Variants in ITFG1 observed in about 807,000 individuals in gnomAD.
The protein encoded by ITFG1 is integrin alpha FG-GAP repeat containing 1.
A neutral mutation model predicts 81.8 loss-of-function variants in ITFG1; 34 were observed. The ratio of observed to expected loss-of-function variants is 0.42; its 90% CI spans 0.32 to 0.55. The LOEUF (loss-of-function observed/expected upper bound fraction) is 0.55. Among genes scored for constraint, ITFG1 ranks in the 20% least tolerant of loss-of-function variants. The probability of loss-of-function intolerance (pLI) is 0.17; values close to 1 mark genes in which losing one functional copy is unlikely to be tolerated. For synonymous variants in ITFG1, 285 were observed against 270.6 expected, an observed-to-expected ratio of 1.05 and a Z score of -0.52; for missense variants, 672 against 755.4, an observed-to-expected ratio of 0.89 and a Z score of 1.29.
At chr16:47,186,275 C>T (rs1203926432) in intron 14 of ITFG1, among the ~76,000 whole-genome samples, 1 of 152,166 alleles carries the variant, frequency 6.6e-6, no homozygotes, top group East Asian at 1.9e-4. Flanking sequence ...CCAGCATCAT[C>T]CTGACGCCAA....
rs114626868 is a variant in ITFG1, at chr16:47,405,287, C to T, written c.655+23517G>A. ...TCAGTTAATATGAAACTTTTGCTTTCTCCACCATATGTCTGTAATGTCTAA... is the reference window on the plus strand; with the variant it reads ...TCAGTTAATATGAAACTTTTGCTTTTTCCACCATATGTCTGTAATGTCTAA... On this transcript the variant is annotated intron_variant, in intron 6 of 17. Coordinates refer to ENST00000320640, the MANE Select transcript of ITFG1 (RefSeq NM_030790.5). Among the ~76,000 whole-genome samples, 1,290 of 152,222 alleles carry T rather than the reference C, an allele frequency of 8.5e-3. 19 individuals carry two copies. Among genetic ancestry groups the T allele is most frequent in the African/African-American group, 0.029 (1,207 of 41,552 alleles).
intron 8 of ITFG1, among the ~76,000 whole-genome samples, chr16:47,355,336 A>G (rs569849648): frequency 3.3e-5 from 5 of 152,268 alleles, no homozygotes; most frequent in African/African-American, 9.6e-5. Flanking sequence ...GGAATCTAAA[A>G]TAAGTAGATC....
chr16:47,288,348 T>A (rs1966878154), intron 10 of ITFG1, among the ~76,000 whole-genome samples: 1 of 152,228 alleles, frequency 6.6e-6, no homozygotes. Flanking sequence ...CATCTCTTGA[T>A]GAATAGTTAG....
At chr16:47,203,315 AGGAACT>A (rs1237360624) in intron 14 of ITFG1, among the ~76,000 whole-genome samples, 2 of 152,236 alleles carry the variant, frequency 1.3e-5, no homozygotes, top group Non-Finnish European at 2.9e-5. Flanking sequence ...TTTTGGCACC[AGGAACT>A]GGTTTTGTGG....
chr16:47,405,613 C>CCATGTACACATAT (rs1435005607), intron 6 of ITFG1, among the ~76,000 whole-genome samples: 1 of 152,146 alleles, frequency 6.6e-6, no homozygotes, highest in African/African-American at 2.4e-5. Context: ...TGCTGAACCT[C>CCATGTACACATAT]TGTATGTCAG....
intron 14 of ITFG1, among the ~76,000 whole-genome samples, chr16:47,188,867 C>A (rs558156784): frequency 6.6e-6 from 1 of 152,114 alleles, no homozygotes; most frequent in Admixed American, 6.6e-5. Context: ...TGGGTTTAAG[C>A]GATGCTCCTG....
At chr16:47,250,947 A>G (rs1350636465) in intron 12 of ITFG1, among the ~76,000 whole-genome samples, 2 of 152,354 alleles carry the variant, frequency 1.3e-5, no homozygotes, top group African/African-American at 2.4e-5. Flanking sequence ...GAGGCTTGTG[A>G]CAGGAAAAGC....
chr16:47,167,347 A>G (rs1477654602), intron 14 of ITFG1, among the ~76,000 whole-genome samples: 1 of 152,244 alleles, frequency 6.6e-6, no homozygotes, highest in Non-Finnish European at 1.5e-5. Flanking sequence ...AAGAATCACA[A>G]AAGTAGTGAA....
intron 13 of ITFG1, among the ~76,000 whole-genome samples, chr16:47,229,884 T>A (rs891652413): frequency 8.5e-5 from 13 of 152,220 alleles, no homozygotes; most frequent in African/African-American, 2.9e-4. Flanking sequence ...GTCCTGTGGT[T>A]TCAGTTACTC....
intron 6 of ITFG1, among the ~76,000 whole-genome samples, chr16:47,408,178 C>T (rs758636556): frequency 1.4e-4 from 21 of 152,036 alleles, no homozygotes; most frequent in Admixed American, 3.3e-4. Flanking sequence ...CTTGTTTTTT[C>T]GTCTTTGGTT....
chr16:47,436,404 GCAAA>G (rs1969167378), intron 5 of ITFG1, among the ~76,000 whole-genome samples: 1 of 152,062 alleles, frequency 6.6e-6, no homozygotes, highest in Admixed American at 6.5e-5. Flanking sequence ...TAAACTGTCA[GCAAA>G]CAATTGATGA....
chr16:47,297,818 T>C (rs1319527296), intron 10 of ITFG1, among the ~76,000 whole-genome samples: 1 of 152,180 alleles, frequency 6.6e-6, no homozygotes, highest in Non-Finnish European at 1.5e-5. Context: ...TGGTGAACTA[T>C]GTCTTGCAAT....
At chr16:47,325,754 C>T (rs989345281) in intron 8 of ITFG1, among the ~76,000 whole-genome samples, 6 of 152,152 alleles carry the variant, frequency 3.9e-5, no homozygotes, top group African/African-American at 7.2e-5. Flanking sequence ...GACACATACA[C>T]CCTCCCAAGA....
At chr16:47,180,634 C>T (rs1965096798) in intron 14 of ITFG1, among the ~76,000 whole-genome samples, 1 of 152,220 alleles carries the variant, frequency 6.6e-6, no homozygotes, top group African/African-American at 2.4e-5. Flanking sequence ...ATCCGCCAGC[C>T]TCGGCCTCCC....
At chr16:47,202,793 A>G (rs1360113625) in intron 14 of ITFG1, among the ~76,000 whole-genome samples, 1 of 152,226 alleles carries the variant, frequency 6.6e-6, no homozygotes, top group Admixed American at 6.5e-5. Context: ...ATGCAAATCA[A>G]AACTACAATG....
intron 7 of ITFG1, among the ~76,000 whole-genome samples, chr16:47,371,394 G>A (rs1378897432): frequency 1.3e-5 from 2 of 152,182 alleles, no homozygotes; most frequent in Non-Finnish European, 2.9e-5. Flanking sequence ...AACACTAGTA[G>A]TAATGCTGTT....
At chr16:47,442,945 AC>A (rs1363469189) in intron 5 of ITFG1, among the ~76,000 whole-genome samples, 7 of 152,328 alleles carry the variant, frequency 4.6e-5, no homozygotes, top group African/African-American at 7.2e-5. Flanking sequence ...AAAAGAAACC[AC>A]CATCAGAGTG....
chr16:47,326,492 G>A (rs1415628272), intron 8 of ITFG1, among the ~76,000 whole-genome samples: 1 of 152,078 alleles, frequency 6.6e-6, no homozygotes, highest in Non-Finnish European at 1.5e-5. Flanking sequence ...GGCAGGAGAA[G>A]GAAATAAAGG....
intron 5 of ITFG1, among the ~76,000 whole-genome samples, chr16:47,441,144 C>CT (rs1482007738): frequency 2.0e-5 from 3 of 152,134 alleles, no homozygotes; most frequent in Admixed American, 6.6e-5. Context: ...AGTTGAATCT[C>CT]TGAGTAGACC....
Sources: allele counts gnomAD v4.1 joint callset (sites outside exome capture counted in the v4.1 genomes callset), GRCh38; gene constraint gnomAD v4.1.1; transcripts MANE v1.5; gene names NCBI Gene and HGNC (gene_info 2026-07-23, HGNC 2026-07-21).